Variants in ADAMTS15 observed in about 807,000 individuals in gnomAD.
ADAMTS15 encodes ADAM metallopeptidase with thrombospondin type 1 motif 15.
Under a neutral mutation model 79.1 loss-of-function variants are expected in ADAMTS15, and 35 were observed. The ratio of observed to expected loss-of-function variants is 0.44; its 90% confidence interval spans 0.34 to 0.59. ADAMTS15 has a LOEUF of 0.59. Ranked by LOEUF, ADAMTS15 falls within the 20% of genes least tolerant of loss-of-function variation. ADAMTS15 has a pLI of 0.02. For synonymous variants in ADAMTS15, 616 were observed against 567.3 expected, an observed-to-expected ratio of 1.09 and a Z score of -1.22; for missense variants, 1,324 against 1,318.7, an observed-to-expected ratio of 1.00 and a Z score of -0.06.
At chr11:130,458,762 A>G (rs1938140489) in intron 1 of ADAMTS15, among the ~76,000 whole-genome samples, 1 of 152,180 alleles carries the variant, frequency 6.6e-6, no homozygotes, top group Non-Finnish European at 1.5e-5. Flanking sequence ...CACAGGGAGC[A>G]GTGAGTGTGC....
chr11:130,465,009 T>G (rs938447267), intron 4 of ADAMTS15, among the ~76,000 whole-genome samples: 1 of 151,686 alleles, frequency 6.6e-6, no homozygotes, highest in Non-Finnish European at 1.5e-5. Context: ...TAAAATAAAT[T>G]GATGACCCAG....
rs370300361 is a variant in ADAMTS15, at chr11:130,453,709, G to T, written c.957+3779G>T. ...CCCAACGTTTTGGGATTACAGGTGT[G>T]AGCCACCATGCCTGAGCTCTGTAAT... On this transcript the variant is annotated intron_variant, in intron 1 of 7. Transcript: ENST00000299164. 5.3e-5 allele frequency among the ~76,000 whole-genome samples: 8 copies of T among 152,172 alleles called. No individual in the cohort carries two copies. In the East Asian group the frequency reaches 5.8e-4, roughly 11 times the overall value.
At chr11:130,450,917 A>G (rs1937949558) in intron 1 of ADAMTS15, among the ~76,000 whole-genome samples, 1 of 152,140 alleles carries the variant, frequency 6.6e-6, no homozygotes. Flanking sequence ...TTAGAAGGAA[A>G]CTGAGTATTG....
At chr11:130,457,470 T>C (rs1251520491) in intron 1 of ADAMTS15, among the ~76,000 whole-genome samples, 2 of 152,108 alleles carry the variant, frequency 1.3e-5, no homozygotes, top group Non-Finnish European at 2.9e-5. Context: ...CAATCCTAAA[T>C]TATTTTATAA....
At chr11:130,469,508 C>G (rs951416082) in intron 5 of ADAMTS15, 69 bp downstream of exon 5, 10 of 1,208,982 alleles carry the variant, frequency 8.3e-6, no homozygotes, top group East Asian at 3.1e-5. Context: ...CCACCCCACC[C>G]CTACTCCATG....
intron 1 of ADAMTS15, among the ~76,000 whole-genome samples, chr11:130,455,118 T>C (rs1938049794): frequency 6.6e-6 from 1 of 152,114 alleles, no homozygotes; most frequent in South Asian, 2.1e-4. Context: ...TCCTCACTCT[T>C]AGAATGAGGA....
At position 130,476,636 on chromosome 11, in the gene ADAMTS15, T is replaced by G. The variant is rs1938594328; in HGVS notation, c.*2815T>G. The G allele has an allele frequency of 6.6e-6, 1 of 152,242 alleles. No individual in the cohort carries two copies. The highest frequency in any genetic ancestry group is 2.4e-5 in the African/African-American group (1 of 41,432). The allele number at this position is 152,242 out of a possible 1,614,324, so 9.4% of individuals were successfully genotyped here. A position where few individuals can be genotyped will look rare whatever the true frequency, so the allele number is the denominator to read the frequency against. On this transcript the variant is annotated 3_prime_UTR_variant, in exon 8 of 8. Transcript: ENST00000299164. ...CTTCTCCTAATAAAGCTGTAAGTAT[T>G]TAAAACCTGTGTCCTGCCTCTGTGA...
In ADAMTS15 at chr11:130,462,624, G is replaced by A. The variant is rs1042648237; in HGVS notation, c.1386G>A (p.Met462Ile). The change falls in exon 4 of 8, where the codon ATG becomes ATA. Residue 462 changes from methionine (M) to isoleucine (I), a missense_variant. Transcript: ENST00000299164. The surrounding 1 kb of genome is among the most constrained non-coding windows in gnomAD (Gnocchi z 4.3). ...FGVGSKPCPY[M>I]QYCTKLWCTG... is the part of the protein sequence containing the mutation. ...TGGGCTCCAAGCCCTGTCCTTACAT[G>A]CAGTACTGCACCAAGCTGTGGTGCA... 2.5e-6 allele frequency: 4 copies of A among 1,613,884 alleles called. No individual in the cohort carries two copies. In the African/African-American group the frequency reaches 4.0e-5, roughly 16 times the overall value.
At chr11:130,461,433 C>T in intron 1 of ADAMTS15, 56 bp from the exon 2 acceptor site, 3 of 1,611,896 alleles carry the variant, frequency 1.9e-6, no homozygotes, top group Admixed American at 1.7e-5. Context: ...CCTTCAGGTC[C>T]CTTCTGTCAC....
In ADAMTS15 at chr11:130,470,184, G is replaced by GTATATATATATACA. The variant is rs1281455253; in HGVS notation, c.1721-735_1721-734insATATATATATACAT. Among the ~76,000 whole-genome samples the GTATATATATATACA allele has an allele frequency of 9.4e-4, 47 of 50,156 alleles. 1 individual carries two copies. The highest frequency in any genetic ancestry group is 4.6e-3 in the African/African-American group (46 of 9,910). The allele number at this position is 50,156 out of a possible 152,430, so 32.9% of individuals were successfully genotyped here. A position where few individuals can be genotyped will look rare whatever the true frequency, so the allele number is the denominator to read the frequency against. Reference sequence around the variant, plus strand: ...TATATATATATATATATATATATGTGTGTATATATATATATATATATATAT... The same window carrying GTATATATATATACA: ...TATATATATATATATATATATATGTGTATATATATATACATGTATATATATATATATATATATAT... On this transcript the variant is annotated intron_variant, in intron 5 of 7. Transcript: ENST00000299164.
intron 4 of ADAMTS15, among the ~76,000 whole-genome samples, chr11:130,467,935 C>G (rs777768389): frequency 6.6e-6 from 1 of 152,114 alleles, no homozygotes; most frequent in African/African-American, 2.4e-5. Flanking sequence ...AGCCCCTGAT[C>G]GAGGTTAAGA....
rs1426635072 is a variant in ADAMTS15, at chr11:130,473,792, CTGGA to C, written c.2825_2828del (p.Leu942ProfsTer5). 10 of 1,598,000 alleles carry C rather than the reference CTGGA, an allele frequency of 6.3e-6. No homozygotes were observed. Among genetic ancestry groups the C allele is most frequent in the African/African-American group, 1.3e-5 (1 of 74,926 alleles). Reference sequence around the variant, plus strand: ...CAACTTGCACCGCAAGCCCCAGGAGCTGGACTTCTGCGTCCTGAGGCCGTGCTGA... The same window carrying C: ...CAACTTGCACCGCAAGCCCCAGGAGCCTTCTGCGTCCTGAGGCCGTGCTGA... On this transcript the variant is annotated frameshift_variant, in exon 8 of 8. Transcript: ENST00000299164. LOFTEE classifies it high-confidence loss of function.
In ADAMTS15 at chr11:130,476,224, A is replaced by G. The variant is rs1188974422; in HGVS notation, c.*2403A>G. ...AGTTACAGCGGTATCTCATGTCTAC[A>G]CAAGAAGAGGAACGTTCTGAAAGCT... On this transcript the variant is annotated 3_prime_UTR_variant, in exon 8 of 8. Coordinates refer to ENST00000299164, the MANE Select transcript of ADAMTS15 (RefSeq NM_139055.4). 1.3e-5 allele frequency: 2 copies of G among 152,198 alleles called. No homozygotes were observed. Among genetic ancestry groups the G allele is most frequent in the African/African-American group, 4.8e-5 (2 of 41,444 alleles). 9.4% of individuals were successfully genotyped at this position (152,198 alleles called of 1,614,324 possible).
At chr11:130,451,289 G>T (rs536629674) in intron 1 of ADAMTS15, among the ~76,000 whole-genome samples, 1 of 152,146 alleles carries the variant, frequency 6.6e-6, no homozygotes, top group Non-Finnish European at 1.5e-5. Flanking sequence ...TTGGACTGGC[G>T]CACACAGTCT....
In ADAMTS15 at chr11:130,473,890, A is replaced by T; in HGVS notation, c.*69A>T. The stretch of plus-strand genomic sequence containing the variant: ...ATGCCAGCGTTCTGCCAGCTGGAGT[A>T]GCGGGCAGAGGACGGTGGCCAGGGG... On this transcript the variant is annotated 3_prime_UTR_variant, in exon 8 of 8. Coordinates refer to ENST00000299164, the MANE Select transcript of ADAMTS15 (RefSeq NM_139055.4). 6.7e-7 allele frequency: 1 copy of T among 1,491,718 alleles called. No homozygotes were observed. The highest frequency in any genetic ancestry group is 1.3e-5 in the South Asian group (1 of 75,898). The allele number at this position is 1,491,718 out of a possible 1,614,324, so 92.4% of individuals were successfully genotyped here.
chr11:130,455,917 G>A (rs1424786508), intron 1 of ADAMTS15, among the ~76,000 whole-genome samples: 2 of 152,180 alleles, frequency 1.3e-5, no homozygotes, highest in Non-Finnish European at 1.5e-5. Flanking sequence ...GTGTCAACCG[G>A]CACTTGCTTG....
Position 130,459,458 on chromosome 11 carries a change from G to A in ADAMTS15, c.958-2031G>A, listed in dbSNP as rs574684972. 7.2e-5 allele frequency among the ~76,000 whole-genome samples: 11 copies of A among 152,086 alleles called. No homozygotes were observed. The East Asian group carries it at 2.0e-3, about 27-fold the overall frequency. On this transcript the variant is annotated intron_variant, in intron 1 of 7. Coordinates refer to ENST00000299164, the MANE Select transcript of ADAMTS15 (RefSeq NM_139055.4). ...TGGGATTACAGGCATGAGCCACTGCGCCCAGGCCCCTCCCAAGTTTTGACA... is the reference window on the plus strand; with the variant it reads ...TGGGATTACAGGCATGAGCCACTGCACCCAGGCCCCTCCCAAGTTTTGACA...
intron 5 of ADAMTS15, among the ~76,000 whole-genome samples, chr11:130,470,170 A>ATATATGTATATG (rs1555081049): frequency 1.7e-5 from 1 of 58,176 alleles, no homozygotes; most frequent in Non-Finnish European, 3.3e-5. Context: ...ATATATATAT[A>ATATATGTATATG]TATATATATA....
At position 130,462,478 on chromosome 11, in the gene ADAMTS15, C is replaced by T. The variant is rs200062582; in HGVS notation, c.1259-19C>T. 150 of 1,564,024 alleles carry T rather than the reference C, an allele frequency of 9.6e-5. No homozygotes were observed. Among genetic ancestry groups the T allele is most frequent in the South Asian group, 1.3e-4 (11 of 83,888 alleles). On this transcript the variant is annotated intron_variant, in intron 3 of 7. Coordinates refer to ENST00000299164, the MANE Select transcript of ADAMTS15 (RefSeq NM_139055.4). The surrounding 1 kb of genome is among the most constrained non-coding windows in gnomAD (Gnocchi z 4.3). ...CATCTTCCCAGCTCATCCTAACGAA[C>T]GCCCTCGGCTCTCTGCAGGTGACTG...
Sources: gnomAD v4.1 joint callset for allele counts (sites outside exome capture counted in the v4.1 genomes callset) on GRCh38, gnomAD v4.1.1 for gene constraint, Gnocchi (gnomAD v3.1) non-coding constraint, MANE v1.5 for transcripts, NCBI Gene and HGNC (gene_info 2026-07-23, HGNC 2026-07-21) for gene names.